The following EPM2A variants were observed in gnomAD, a reference collection of about 807,000 sequenced individuals.
The protein encoded by EPM2A is EPM2A glucan phosphatase, laforin, also known as laforin.
Under a neutral mutation model 26.5 loss-of-function variants are expected in EPM2A, and 21 were observed. That is an observed-to-expected ratio of 0.79 (90% CI 0.56 to 1.14). EPM2A has a LOEUF of 1.14. Ranked by LOEUF, EPM2A falls within the 50% of genes most tolerant of loss-of-function variation. The pLI is 0.00. For synonymous variants in EPM2A, 217 were observed against 177.6 expected, an observed-to-expected ratio of 1.22 and a Z score of -1.76; for missense variants, 458 against 440.8, an observed-to-expected ratio of 1.04 and a Z score of -0.35.
intron 4 of EPM2A, among the ~76,000 whole-genome samples, chr6:145,495,849 A>G (rs1196438486): frequency 6.6e-6 from 1 of 152,220 alleles, no homozygotes; most frequent in Non-Finnish European, 1.5e-5. Flanking sequence ...TGTTGGGATT[A>G]CAGGCGTGAG....
At chr6:145,586,642 A>G (rs1781199368) in intron 2 of EPM2A, among the ~76,000 whole-genome samples, 1 of 152,190 alleles carries the variant, frequency 6.6e-6, no homozygotes. Context: ...TAAGTTATAC[A>G]CAAACTCAAA....
chr6:145,639,609 T>A (rs757006732), intron 2 of EPM2A: 2 of 152,040 alleles, frequency 1.3e-5, no homozygotes, highest in African/African-American at 4.8e-5. Flanking sequence ...GTAAAAAATA[T>A]GGAGATGAGA....
rs532049825 is a variant in EPM2A at position 145,471,903 on chromosome 6, T to G, written c.555+30619A>C. 9.3e-4 allele frequency among the ~76,000 whole-genome samples: 141 copies of G among 151,926 alleles called. 1 individual carries two copies. The Middle Eastern group carries it at 0.014, about 15-fold the overall frequency. On this transcript the variant is annotated intron_variant, in intron 4 of 4. Transcript: ENST00000638717. ...TAGACTAGGGAGGCATGTTACCTACTGAGACACCAGCTGGGGTGGCTCCAG... is the reference window on the plus strand; with the variant it reads ...TAGACTAGGGAGGCATGTTACCTACGGAGACACCAGCTGGGGTGGCTCCAG...
Position 145,683,268 on chromosome 6 carries a change from G to GGTGTGTGTGTGTGTGTGT in EPM2A, c.476+2836_476+2853dup, listed in dbSNP as rs35326843. On this transcript the variant is annotated intron_variant, in intron 2 of 3. Transcript: ENST00000367519. The stretch of plus-strand genomic sequence containing the variant: ...TGAAAAATAAAGATTCCCAGGATTT[G>GGTGTGTGTGTGTGTGTGT]GTGTGTGTGTGTGTGTGTGTGTGTG... Among the ~76,000 whole-genome samples, 672 of 133,948 alleles carry GGTGTGTGTGTGTGTGTGT rather than the reference G, an allele frequency of 5.0e-3. 6 individuals are homozygous for GGTGTGTGTGTGTGTGTGT. The highest frequency in any genetic ancestry group is 7.1e-3 in the African/African-American group (260 of 36,432). The allele number at this position is 133,948 out of a possible 152,430, so 87.9% of individuals were successfully genotyped here. A position where few individuals can be genotyped will look rare whatever the true frequency, so the allele number is the denominator to read the frequency against.
At chr6:145,554,411 A>AGATAGATAGAT (rs1228717953) in intron 2 of EPM2A, among the ~76,000 whole-genome samples, 7 of 147,040 alleles carry the variant, frequency 4.8e-5, no homozygotes, top group African/African-American at 1.8e-4. Flanking sequence ...GATAATAGAG[A>AGATAGATAGAT]GATAGATAGA....
intron 2 of EPM2A, among the ~76,000 whole-genome samples, chr6:145,554,393 AATAG>A (rs1046314447): frequency 5.9e-5 from 9 of 151,422 alleles, no homozygotes; most frequent in South Asian, 2.1e-4. Context: ...TGGATGGATA[AATAG>A]ATAGATAATA....
At chr6:145,532,511 C>T (rs1780372598) in intron 2 of EPM2A, among the ~76,000 whole-genome samples, 1 of 152,096 alleles carries the variant, frequency 6.6e-6, no homozygotes, top group Non-Finnish European at 1.5e-5. Context: ...GGGAGGCAAC[C>T]AGGTTGATTA....
At chr6:145,715,485 G>A (rs1033776806) in intron 1 of EPM2A, among the ~76,000 whole-genome samples, 11 of 152,266 alleles carry the variant, frequency 7.2e-5, no homozygotes, top group East Asian at 5.8e-4. Context: ...AAACAACATC[G>A]AATGAAAGAT....
At chr6:145,655,051 T>C (rs1011011533) in intron 2 of EPM2A, among the ~76,000 whole-genome samples, 6 of 152,204 alleles carry the variant, frequency 3.9e-5, no homozygotes, top group African/African-American at 1.4e-4. Context: ...TTGTTTGATT[T>C]GGTTTTGTTG....
intron 2 of EPM2A, among the ~76,000 whole-genome samples, chr6:145,642,888 G>A (rs929387382): frequency 2.0e-5 from 3 of 152,206 alleles, no homozygotes; most frequent in African/African-American, 7.2e-5. Context: ...TAATATAAAA[G>A]CAATGAAAAA....
intron 3 of EPM2A, chr6:145,631,871 TCACACACACACACA>T (rs1554256529): frequency 4.1e-5 from 3 of 73,044 alleles, no homozygotes; most frequent in Non-Finnish European, 1.1e-4. Flanking sequence ...TCTCTCTCTC[TCACACACACACACA>T]CACACACACA....
intron 4 of EPM2A, among the ~76,000 whole-genome samples, chr6:145,448,467 A>C (rs1399965220): frequency 6.6e-6 from 1 of 152,168 alleles, no homozygotes; most frequent in Non-Finnish European, 1.5e-5. Context: ...AAAGAAGAGA[A>C]AGGAAGGGAT....
At chr6:145,450,522 C>G (rs1231115546) in intron 4 of EPM2A, among the ~76,000 whole-genome samples, 3 of 152,132 alleles carry the variant, frequency 2.0e-5, no homozygotes, top group African/African-American at 7.2e-5. Flanking sequence ...GATCACAGCA[C>G]TATTACCTTT....
intron 4 of EPM2A, among the ~76,000 whole-genome samples, chr6:145,395,900 G>A (rs143036737): frequency 7.7e-4 from 117 of 152,236 alleles, no homozygotes; most frequent in African/African-American, 2.6e-3. Flanking sequence ...CAAGCCCTCG[G>A]CCAGGTGCCT....
intron 4 of EPM2A, among the ~76,000 whole-genome samples, chr6:145,438,010 G>C (rs1049437610): frequency 3.9e-5 from 6 of 152,204 alleles, no homozygotes; most frequent in African/African-American, 1.2e-4. Flanking sequence ...GTTTGTGGCA[G>C]GTTTGCTTCA....
chr6:145,433,813 G>T (rs145885585), intron 4 of EPM2A, among the ~76,000 whole-genome samples: 1,572 of 152,084 alleles, frequency 0.01, 14 homozygotes, highest in South Asian at 0.02. Context: ...GACTTACTGT[G>T]GTTTTGTTGC....
chr6:145,559,890 G>A (rs769205731), intron 2 of EPM2A, among the ~76,000 whole-genome samples: 2 of 151,896 alleles, frequency 1.3e-5, no homozygotes, highest in Non-Finnish European at 1.5e-5. Context: ...ATAAAGCCAG[G>A]ATTTGTTTTG....
intron 2 of EPM2A, among the ~76,000 whole-genome samples, chr6:145,567,465 T>A (rs1780898931): frequency 1.3e-5 from 2 of 152,178 alleles, no homozygotes; most frequent in South Asian, 4.1e-4. Context: ...TGTAGCTTCA[T>A]CACCTGGAAC....
At chr6:145,542,960 T>C (rs528730308) in intron 2 of EPM2A, among the ~76,000 whole-genome samples, 1 of 152,188 alleles carries the variant, frequency 6.6e-6, no homozygotes, top group Non-Finnish European at 1.5e-5. Flanking sequence ...GGTTTCTCCA[T>C]GTTGGTCAGG....
Sources: gnomAD v4.1 joint callset for allele counts (sites outside exome capture counted in the v4.1 genomes callset) on GRCh38, gnomAD v4.1.1 for gene constraint, MANE v1.5 for transcripts, NCBI Gene and HGNC (gene_info 2026-07-23, HGNC 2026-07-21) for gene names.